The following COG2 variants were observed in gnomAD, a reference collection of about 807,000 sequenced individuals.
COG2 encodes component of oligomeric golgi complex 2, also known as conserved oligomeric Golgi complex subunit 2.
A neutral mutation model predicts 90.6 loss-of-function variants in COG2; 52 were observed. The observed-to-expected ratio is 0.57, with a 90% confidence interval of 0.46 to 0.72. The LOEUF (loss-of-function observed/expected upper bound fraction) is 0.72, where lower values mean the gene tolerates loss of function less well. Among genes scored for constraint, COG2 ranks in the 30% least tolerant of loss-of-function variants. COG2 has a pLI of 0.00. For synonymous variants in COG2, 337 were observed against 320.4 expected (o/e 1.05, Z -0.55); for missense variants, 829 against 891.2 (o/e 0.93, Z 0.89).
At position 230,685,181 on chromosome 1, in the gene COG2, G is replaced by A. The variant is rs1318621157; in HGVS notation, c.1325G>A (p.Arg442His). Residue 442 changes from arginine to histidine, a missense_variant, in exon 12 of 18, where the codon CGC becomes CAC. Coordinates refer to ENST00000366669, the MANE Select transcript of COG2 (RefSeq NM_007357.3). ...DEMFLPLLVH[R>H]LWRLTLQILA... ...ATGTTCTTGCCATTACTGGTGCATC[G>A]CCTGTGGAGACTCACTCTGCAGATT... 9.3e-6 allele frequency: 15 copies of A among 1,614,026 alleles called. No individual in the cohort carries two copies. Among genetic ancestry groups the A allele is most frequent in the East Asian group, 8.9e-5 (4 of 44,900 alleles).
rs1273934317 is a variant in COG2 at position 230,693,372 on chromosome 1, GGCAACAGCAGA to G, written c.2200_2210del (p.Thr734AlafsTer23). On this transcript the variant is annotated frameshift_variant, in exon 18 of 18. Transcript: ENST00000366669. LOFTEE classifies it high-confidence loss of function. ...AGCTTGTTGCTGCTGCCAAGGACCAGGCAACAGCAGAGCAGCCTTAAGCATCTTGGAAGATC... is the reference window on the plus strand; with the variant it reads ...AGCTTGTTGCTGCTGCCAAGGACCAGGCAGCCTTAAGCATCTTGGAAGATC... The G allele has an allele frequency of 6.2e-7, 1 of 1,612,524 alleles. No individual in the cohort carries two copies. The highest frequency in any genetic ancestry group is 2.2e-5 in the East Asian group (1 of 44,844).
At position 230,669,336 on chromosome 1, in the gene COG2, T is replaced by G. The variant is rs1662392091; in HGVS notation, c.595-20T>G. 1 of 1,586,850 alleles carries G rather than the reference T, an allele frequency of 6.3e-7. No homozygotes were observed. The highest frequency in any genetic ancestry group is 8.6e-7 in the Non-Finnish European group (1 of 1,164,942). Reference sequence around the variant, plus strand: ...GTTACAACTAGAGCTTTTTTTTTATTTACCCACCTTTTCTTGCAGCGTATA... The same window carrying G: ...GTTACAACTAGAGCTTTTTTTTTATGTACCCACCTTTTCTTGCAGCGTATA... On this transcript the variant is annotated intron_variant, in intron 6 of 17. Coordinates refer to ENST00000366669, the MANE Select transcript of COG2 (RefSeq NM_007357.3).
At chr1:230,644,107 G>A (rs1172001650) in intron 1 of COG2, among the ~76,000 whole-genome samples, 1 of 152,172 alleles carries the variant, frequency 6.6e-6, no homozygotes, top group Non-Finnish European at 1.5e-5. Context: ...AATGCCTTTG[G>A]TAAATGCAGC....
intron 16 of COG2, 122 bp downstream of exon 16, chr1:230,690,275 G>T: frequency 1.2e-6 from 1 of 825,438 alleles, no homozygotes; most frequent in South Asian, 1.8e-5. Flanking sequence ...TTCTTCACTG[G>T]ATTAGTCAGA....
chr1:230,651,740 G>GA (rs1324176759), intron 1 of COG2, among the ~76,000 whole-genome samples: 1 of 151,972 alleles, frequency 6.6e-6, no homozygotes, highest in Non-Finnish European at 1.5e-5. Flanking sequence ...ATTTTAACAA[G>GA]AAAAAAGTCT....
chr1:230,661,037 A>G (rs966837234), intron 3 of COG2, among the ~76,000 whole-genome samples: 1 of 152,200 alleles, frequency 6.6e-6, no homozygotes, highest in Non-Finnish European at 1.5e-5. Context: ...TGATTTGAAT[A>G]TGACAGATTC....
chr1:230,690,068 C>T lies in COG2; in HGVS notation c.1849C>T (p.Gln617Ter). The part of the protein sequence containing the change: ...YVDSALKPLF[Q>*]LQSGHKDKLK... Reference sequence around the variant, plus strand: ...GGACAGTGCTCTGAAGCCCTTATTCCAGCTTCAGAGCGGACACAAGGATAA... The same window carrying T: ...GGACAGTGCTCTGAAGCCCTTATTCTAGCTTCAGAGCGGACACAAGGATAA... Residue 617 changes from glutamine to a stop codon, truncating the protein, a stop_gained, in exon 16 of 18, where the codon CAG (glutamine) becomes TAG (stop). Coordinates refer to ENST00000366669, the MANE Select transcript of COG2 (RefSeq NM_007357.3). LOFTEE classifies it high-confidence loss of function. 1 of 1,612,768 alleles carries T rather than the reference C, an allele frequency of 6.2e-7. No homozygotes were observed. Among genetic ancestry groups the T allele is most frequent in the South Asian group, 1.1e-5 (1 of 90,806 alleles).
chr1:230,683,308 T>G, intron 10 of COG2: 1 of 359,010 alleles, frequency 2.8e-6, no homozygotes, highest in South Asian at 3.6e-5. Flanking sequence ...ACTGGCAGTT[T>G]GTTTAATTTG....
chr1:230,662,596 G>C (rs11807648), intron 3 of COG2, among the ~76,000 whole-genome samples: 1 of 152,054 alleles, frequency 6.6e-6, no homozygotes, highest in Non-Finnish European at 1.5e-5. Flanking sequence ...TGATATATTA[G>C]TACTTAAAAT....
intron 17 of COG2, among the ~76,000 whole-genome samples, chr1:230,692,776 G>A (rs958648263): frequency 4.6e-5 from 5 of 107,966 alleles, no homozygotes; most frequent in East Asian, 2.2e-4. Flanking sequence ...GGATGTATAC[G>A]TGTGTGTGTG....
At chr1:230,669,799 G>T (rs1662404065) in intron 7 of COG2, 1 of 338,532 alleles carries the variant, frequency 3.0e-6, no homozygotes, top group Admixed American at 4.3e-5. Flanking sequence ...GGGCATCCAC[G>T]TGCTTTTAGG....
Position 230,685,213 on chromosome 1 carries a change from C to T in COG2, c.1357C>T (p.Arg453Ter). 1 of 1,614,128 alleles carries T rather than the reference C, an allele frequency of 6.2e-7. No homozygotes were observed. Among genetic ancestry groups the T allele is most frequent in the Non-Finnish European group, 8.5e-7 (1 of 1,180,028 alleles). Reference protein sequence around the residue: ...LWRLTLQILARYSVFVNELSL... With the variant: ...LWRLTLQILA ...GAGACTCACTCTGCAGATTTTGGCA[C>T]GATACTCTGTGTTTGTCAATGAGGT... Residue 453 changes from arginine (R) to a stop codon, truncating the protein, a stop_gained, in exon 12 of 18, where the codon CGA (arginine) becomes TGA (stop). Transcript: ENST00000366669. LOFTEE classifies it high-confidence loss of function.
At position 230,672,682 on chromosome 1, in the gene COG2, A is replaced by AT. The variant is rs954375810; in HGVS notation, c.899+1048dup. Among the ~76,000 whole-genome samples the AT allele has an allele frequency of 1.5e-4, 21 of 143,004 alleles. 1 individual carries two copies. Among genetic ancestry groups the AT allele is most frequent in the African/African-American group, 4.7e-4 (18 of 38,072 alleles). 93.8% of individuals were successfully genotyped at this position (143,004 alleles called of 152,430 possible). ...CCCATCTTAAAAAAAAAAAAAGGCC[A>AT]TTTTTTCTCCTAATGTTCAGCATTC... is the stretch of plus-strand genomic sequence containing the variant. On this transcript the variant is annotated intron_variant, in intron 8 of 17. Coordinates refer to ENST00000366669, the MANE Select transcript of COG2 (RefSeq NM_007357.3).
intron 1 of COG2, among the ~76,000 whole-genome samples, chr1:230,650,738 G>C (rs915913816): frequency 1.3e-5 from 2 of 152,058 alleles, no homozygotes; most frequent in African/African-American, 4.8e-5. Flanking sequence ...TGTTGCATCT[G>C]CTTTGAGGTC....
chr1:230,648,950 A>G (rs1661850914), intron 1 of COG2, among the ~76,000 whole-genome samples: 1 of 152,174 alleles, frequency 6.6e-6, no homozygotes, highest in Non-Finnish European at 1.5e-5. Context: ...AAACTGGGGT[A>G]AAAAGGAGAG....
In COG2 at chr1:230,693,647, A is replaced by G. The variant is rs544698148; in HGVS notation, c.*254A>G. 13 of 315,030 alleles carry G rather than the reference A, an allele frequency of 4.1e-5. No homozygotes were observed. The highest frequency in any genetic ancestry group is 2.6e-4 in the African/African-American group (12 of 46,902). 19.5% of individuals were successfully genotyped at this position (315,030 alleles called of 1,614,324 possible). On this transcript the variant is annotated 3_prime_UTR_variant, in exon 18 of 18. Transcript: ENST00000366669. ...CATTTGAAACTTTCTACTATAGTTT[A>G]CAGAACAAATTATTTTATTTTTATT...
chr1:230,648,618 C>A (rs1184015945), intron 1 of COG2, among the ~76,000 whole-genome samples: 1 of 152,176 alleles, frequency 6.6e-6, no homozygotes, highest in Non-Finnish European at 1.5e-5. Flanking sequence ...TCACTTCTTG[C>A]AATATTATAA....
At position 230,663,123 on chromosome 1, in the gene COG2, T is replaced by C; in HGVS notation, c.301-18T>C. The C allele has an allele frequency of 6.3e-7, 1 of 1,583,684 alleles. No homozygotes were observed. Among genetic ancestry groups the C allele is most frequent in the Non-Finnish European group, 8.6e-7 (1 of 1,169,328 alleles). On this transcript the variant is annotated intron_variant, in intron 3 of 17. Transcript: ENST00000366669. ...ACAAAACAATCTCTGCAGTACTTTT[T>C]TTTTTTGTCTTTTAAAGAGCCTTAG... is the stretch of plus-strand genomic sequence containing the variant.
rs373560087 is a variant in COG2, at chr1:230,688,531, A to T, written c.1763A>T (p.Glu588Val). ...SCFGFLKSAL[E>V]VPRLYRRTNK... is the part of the protein sequence containing the mutation. ...TTCGGTTTCCTAAAAAGCGCCCTGG[A>T]GGTTCCCAGGCTTTACCGAAGAACC... Residue 588 changes from glutamate (E) to valine (V), a missense_variant, in exon 15 of 18, where the codon GAG becomes GTG. Coordinates refer to ENST00000366669, the MANE Select transcript of COG2 (RefSeq NM_007357.3). 2 of 1,614,006 alleles carry T rather than the reference A, an allele frequency of 1.2e-6. No individual in the cohort carries two copies. The highest frequency in any genetic ancestry group is 1.7e-6 in the Non-Finnish European group (2 of 1,180,032).
Sources: allele counts gnomAD v4.1 joint callset (sites outside exome capture counted in the v4.1 genomes callset), GRCh38; gene constraint gnomAD v4.1.1; transcripts MANE v1.5; gene names NCBI Gene and HGNC (gene_info 2026-07-23, HGNC 2026-07-21).